Variants in FAAH2 observed in about 807,000 individuals in gnomAD.
FAAH2 encodes fatty-acid amide hydrolase 2.
Under a neutral mutation model 36.9 loss-of-function variants are expected in FAAH2, and 60 were observed. The observed-to-expected ratio is 1.63, with a 90% CI of 1.32 to 2.02. The LOEUF (loss-of-function observed/expected upper bound fraction) is 2.02. Among genes scored for constraint, FAAH2 ranks in the 30% most tolerant of loss-of-function variants. FAAH2 has a pLI of 0.00. For synonymous variants in FAAH2, 214 were observed against 143.8 expected, an observed-to-expected ratio of 1.49 and a Z score of -3.49; for missense variants, 689 against 397.5, an observed-to-expected ratio of 1.73 and a Z score of -6.23.
At chrX:57,258,650 A>T in the FAAH2 span, among the ~76,000 whole-genome samples, 1 of 110,738 alleles carries the variant, frequency 9.0e-6, no homozygotes, top group Non-Finnish European at 1.9e-5. Context: ...CTGAGTTGCC[A>T]TTCTTCCACG....
At chrX:57,313,535 T>G (rs1351046927) in intron 3 of FAAH2, among the ~76,000 whole-genome samples, 2 of 110,243 alleles carry the variant, frequency 1.8e-5, no homozygotes, top group Non-Finnish European at 3.8e-5. Context: ...CAGAGAGTAC[T>G]CCATCAGGCA....
At chrX:57,465,814 G>A (rs2057037138) in intron 10 of FAAH2, among the ~76,000 whole-genome samples, 1 of 110,126 alleles carries the variant, frequency 9.1e-6, no homozygotes. Flanking sequence ...TTCTTCTCTT[G>A]CTTTTAAAAA....
rs2053477753 is a variant in FAAH2, at chrX:57,334,039, G to T, written c.622+2232G>T. Among the ~76,000 whole-genome samples, 3 of 110,597 alleles carry T rather than the reference G, an allele frequency of 2.7e-5. No homozygotes were observed. The Admixed American group carries it at 2.9e-4, about 11-fold the overall frequency. ...TGGGAGTCCACTTTGGGAGGCCAAG[G>T]CAGTTGGGTCACTTGAAGTTAGGAG... On this transcript the variant is annotated intron_variant, in intron 4 of 10. Coordinates refer to ENST00000374900, the MANE Select transcript of FAAH2 (RefSeq NM_174912.4).
At chrX:57,442,620 G>T in intron 8 of FAAH2, among the ~76,000 whole-genome samples, 1 of 111,698 alleles carries the variant, frequency 9.0e-6, no homozygotes, top group East Asian at 2.8e-4. Context: ...TTTAAGGTTA[G>T]TATTGTTATG....
At chrX:57,406,953 G>T (rs1018066620) in intron 7 of FAAH2, among the ~76,000 whole-genome samples, 1 of 112,617 alleles carries the variant, frequency 8.9e-6, no homozygotes, top group Non-Finnish European at 1.9e-5. Context: ...GGCAGGAGGT[G>T]ATCTCTCTAC....
At position 57,356,080 on chromosome X, in the gene FAAH2, A is replaced by C. The variant is rs144029133; in HGVS notation, c.742+14690A>C. Among the ~76,000 whole-genome samples, 397 of 111,118 alleles carry C rather than the reference A, an allele frequency of 3.6e-3. 1 individual carries two copies. The highest frequency in any genetic ancestry group is 0.012 in the African/African-American group (382 of 30,746). On this transcript the variant is annotated intron_variant, in intron 5 of 10. Transcript: ENST00000374900. ...TAATTTTATTAATGTGGATTAATAC[A>C]TTGATTTTCATATTTAGGACAATTG...
chrX:57,323,529 C>G (rs939407053), intron 3 of FAAH2, among the ~76,000 whole-genome samples: 18 of 111,656 alleles, frequency 1.6e-4, no homozygotes, highest in Non-Finnish European at 2.1e-4. Context: ...GCCTTTCTAA[C>G]TGGTGTGAGA....
At position 57,382,459 on chromosome X, in the gene FAAH2, A is replaced by C. The variant is rs775597639; in HGVS notation, c.996+1430A>C. ...CTAATAAAGAAGGAAAGAGAGAAGA[A>C]TCAAATAGACGCAATAAAAAATTAT... On this transcript the variant is annotated intron_variant, in intron 7 of 10. Transcript: ENST00000374900. Among the ~76,000 whole-genome samples the C allele has an allele frequency of 5.4e-5, 6 of 111,892 alleles. No homozygotes were observed. In the East Asian group the frequency reaches 1.4e-3, roughly 26 times the overall value.
At chrX:57,168,938 A>G in the FAAH2 span, among the ~76,000 whole-genome samples, 1 of 112,189 alleles carries the variant, frequency 8.9e-6, no homozygotes, top group South Asian at 3.7e-4. Flanking sequence ...ACAAAATACC[A>G]TAGACTGAGT....
At chrX:57,477,843 A>G (rs1376947361) in intron 10 of FAAH2, among the ~76,000 whole-genome samples, 1 of 111,492 alleles carries the variant, frequency 9.0e-6, no homozygotes, top group Non-Finnish European at 1.9e-5. Flanking sequence ...GCTGCATAGT[A>G]TTCCATGGTG....
intron 10 of FAAH2, among the ~76,000 whole-genome samples, chrX:57,466,297 T>A (rs1054187821): frequency 1.4e-4 from 15 of 106,178 alleles, no homozygotes; most frequent in Admixed American, 4.2e-4. Context: ...TTCTGAAGAG[T>A]TAAGATGGCT....
chrX:57,402,591 ATTAG>A (rs2055465294), intron 7 of FAAH2, among the ~76,000 whole-genome samples: 1 of 111,827 alleles, frequency 8.9e-6, no homozygotes, highest in South Asian at 3.8e-4. Flanking sequence ...ATCCTTTAAG[ATTAG>A]TTAGCCTTCA....
the FAAH2 span, among the ~76,000 whole-genome samples, chrX:57,273,245 G>A: frequency 2.7e-5 from 3 of 111,565 alleles, no homozygotes; most frequent in African/African-American, 6.5e-5. Context: ...CAATACAGGA[G>A]CACACATATT....
At chrX:57,269,506 C>T in the FAAH2 span, among the ~76,000 whole-genome samples, 1 of 111,465 alleles carries the variant, frequency 9.0e-6, no homozygotes, top group African/African-American at 3.3e-5. Context: ...TTCAAGAGAA[C>T]TGAAATCATA....
the FAAH2 span, among the ~76,000 whole-genome samples, chrX:57,233,055 C>T: frequency 8.9e-6 from 1 of 112,292 alleles, no homozygotes; most frequent in Non-Finnish European, 1.9e-5. Flanking sequence ...AAAGAGATTC[C>T]TCCTCTGCTC....
chrX:57,453,923 A>G (rs181436828), intron 10 of FAAH2, among the ~76,000 whole-genome samples: 21 of 111,901 alleles, frequency 1.9e-4, no homozygotes, highest in South Asian at 3.8e-4. Context: ...CCTGGCAAGG[A>G]TATGACCTGT....
At chrX:57,352,135 T>C (rs752679014) in intron 5 of FAAH2, among the ~76,000 whole-genome samples, 2 of 40,771 alleles carry the variant, frequency 4.9e-5, no homozygotes, top group Non-Finnish European at 9.2e-5. Context: ...TATATATATA[T>C]GTGTATATAT....
chrX:57,161,922 T>C, the FAAH2 span, among the ~76,000 whole-genome samples: 1 of 111,920 alleles, frequency 8.9e-6, no homozygotes, highest in African/African-American at 3.3e-5. Flanking sequence ...GCTGGTTATT[T>C]TGCTCATTAG....
At chrX:57,209,815 G>A in the FAAH2 span, among the ~76,000 whole-genome samples, 1 of 111,307 alleles carries the variant, frequency 9.0e-6, no homozygotes, top group Non-Finnish European at 1.9e-5. Context: ...GGGCCCCATA[G>A]CACTTTAGTC....
Sources: allele counts gnomAD v4.1 joint callset (sites outside exome capture counted in the v4.1 genomes callset), GRCh38; gene constraint gnomAD v4.1.1; transcripts MANE v1.5; gene names NCBI Gene and HGNC (gene_info 2026-07-23, HGNC 2026-07-21).